Variants in COL24A1 observed in about 807,000 individuals in gnomAD.
COL24A1 encodes the protein collagen type XXIV alpha 1 chain.
COL24A1 carries 224 observed loss-of-function variants against 253.9 expected under a neutral mutation model. The observed-to-expected ratio is 0.88, with a 90% CI of 0.79 to 0.99. The LOEUF is 0.99. COL24A1 is among the 50% of genes least tolerant of loss of function. The pLI is 0.00. For missense variants in COL24A1, 2,131 were observed against 2,068.5 expected (o/e 1.03, Z -0.59); for synonymous variants, 685 against 673.7 (o/e 1.02, Z -0.26).
chr1:85,834,480 A>C (rs539727338), intron 43 of COL24A1, among the ~76,000 whole-genome samples: 30 of 152,256 alleles, frequency 2.0e-4, no homozygotes, highest in Non-Finnish European at 4.1e-4. Flanking sequence ...GCACTTACTG[A>C]GTTTGAGGTG....
At chr1:85,800,367 C>T (rs1038943492) in intron 47 of COL24A1, among the ~76,000 whole-genome samples, 1 of 152,198 alleles carries the variant, frequency 6.6e-6, no homozygotes, top group African/African-American at 2.4e-5. Context: ...TTCCTGCCCC[C>T]AACCTGACAA....
chr1:86,012,240 T>C (rs910086582), intron 19 of COL24A1, among the ~76,000 whole-genome samples: 4 of 152,212 alleles, frequency 2.6e-5, no homozygotes, highest in African/African-American at 7.2e-5. Context: ...AAAACTAAAA[T>C]TACTATTCAT....
intron 32 of COL24A1, among the ~76,000 whole-genome samples, chr1:85,879,246 G>GGGGTGTGT (rs759641342): frequency 2.2e-4 from 33 of 147,116 alleles, no homozygotes; most frequent in Non-Finnish European, 4.4e-4. Flanking sequence ...TCATTTTGAG[G>GGGGTGTGT]GTGTGTGTGT....
chr1:85,900,023 A>C (rs571286860), intron 28 of COL24A1, among the ~76,000 whole-genome samples: 4 of 152,234 alleles, frequency 2.6e-5, no homozygotes, highest in Non-Finnish European at 5.9e-5. Context: ...AGGACCTGAA[A>C]TTTAGAAGTT....
chr1:85,920,049 T>G (rs1163611991), intron 24 of COL24A1, among the ~76,000 whole-genome samples: 1 of 152,222 alleles, frequency 6.6e-6, no homozygotes, highest in Non-Finnish European at 1.5e-5. Context: ...TAAGCATATT[T>G]ATTTGTTCAT....
chr1:85,852,061 A>G (rs1219893014), intron 37 of COL24A1, among the ~76,000 whole-genome samples: 2 of 152,158 alleles, frequency 1.3e-5, no homozygotes, highest in African/African-American at 4.8e-5. Flanking sequence ...TTAACAGTTA[A>G]GCCTTTAATC....
At chr1:85,785,085 G>A (rs1669543267) in intron 48 of COL24A1, among the ~76,000 whole-genome samples, 1 of 152,090 alleles carries the variant, frequency 6.6e-6, no homozygotes, top group Non-Finnish European at 1.5e-5. Flanking sequence ...ACCATCCAGA[G>A]ATGATTCAGC....
intron 3 of COL24A1, among the ~76,000 whole-genome samples, chr1:86,119,550 C>G (rs1995687): frequency 0.97 from 148,161 of 152,232 alleles, 72,209 homozygotes; most frequent in Non-Finnish European, 1. Context: ...ACTTCTGAGA[C>G]AGCCTGTGAT....
chr1:85,872,729 A>G (rs1680672268), intron 35 of COL24A1, among the ~76,000 whole-genome samples: 1 of 152,256 alleles, frequency 6.6e-6, no homozygotes, highest in East Asian at 1.9e-4. Flanking sequence ...TAAAACCATA[A>G]AAACCCTAGA....
intron 10 of COL24A1, among the ~76,000 whole-genome samples, 184 bp downstream of exon 10, chr1:86,057,747 A>T (rs1175265859): frequency 6.6e-6 from 1 of 152,230 alleles, no homozygotes; most frequent in Non-Finnish European, 1.5e-5. Flanking sequence ...TGCAAAACCT[A>T]CCACAATGAG....
At chr1:85,984,601 T>A (rs951521812) in intron 20 of COL24A1, among the ~76,000 whole-genome samples, 3 of 151,848 alleles carry the variant, frequency 2.0e-5, no homozygotes, top group Non-Finnish European at 4.4e-5. Context: ...TTCCTATGTA[T>A]GCACCAGGTG....
intron 57 of COL24A1, 143 bp from the exon 58 acceptor site, chr1:85,737,648 C>T (rs1476419261): frequency 1.9e-6 from 1 of 529,414 alleles, no homozygotes; most frequent in Non-Finnish European, 3.3e-6. Context: ...ACTGTAACCT[C>T]CGCTTCCTGG....
intron 37 of COL24A1, 90 bp downstream of exon 37, chr1:85,868,429 G>A (rs1680027568): frequency 2.5e-6 from 2 of 808,350 alleles, no homozygotes; most frequent in East Asian, 2.5e-5. Flanking sequence ...GGATATATAA[G>A]GAGGTCAGAG....
chr1:86,106,946 C>T (rs1469699182), intron 5 of COL24A1, among the ~76,000 whole-genome samples: 3 of 152,138 alleles, frequency 2.0e-5, no homozygotes, highest in Non-Finnish European at 2.9e-5. Context: ...AATTTAACAA[C>T]ACAGTCCTCA....
At chr1:85,756,367 T>C (rs1256122631) in intron 55 of COL24A1, among the ~76,000 whole-genome samples, 1 of 151,718 alleles carries the variant, frequency 6.6e-6, no homozygotes, top group African/African-American at 2.4e-5. Context: ...TGCCGTGAGC[T>C]GAGATCGCAC....
intron 12 of COL24A1, among the ~76,000 whole-genome samples, chr1:86,044,590 TAAG>T (rs768313941): frequency 3.2e-4 from 48 of 152,330 alleles, no homozygotes; most frequent in Middle Eastern, 6.8e-3. Context: ...AATTTTGTAA[TAAG>T]AAGAACAGTG....
At chr1:85,969,604 C>CAAAAAAAAAAAAAAAAAAA (rs61128567) in intron 22 of COL24A1, among the ~76,000 whole-genome samples, 1 of 27,476 alleles carries the variant, frequency 3.6e-5, no homozygotes, top group Admixed American at 8.8e-4. Context: ...GACTCTGTCT[C>CAAAAAAAAAAAAAAAAAAA]AAAAAAAAAA....
chr1:85,798,053 G>A (rs61783136), intron 47 of COL24A1, among the ~76,000 whole-genome samples: 8,564 of 151,818 alleles, frequency 0.056, 330 homozygotes, highest in South Asian at 0.11. Context: ...AATAAATTAC[G>A]GAATGTGGTG....
Position 85,784,376 on chromosome 1 carries a change from G to A in COL24A1, c.4060-10C>T. ...GTAGCCCTTGTTCACCCTATGGGTA[G>A]AACAAAGAAAAGCGATCTTTACATC... On this transcript the variant is annotated splice_polypyrimidine_tract_variant and intron_variant, in intron 48 of 59. Transcript: ENST00000370571. 5 of 1,599,240 alleles carry A rather than the reference G, an allele frequency of 3.1e-6. No homozygotes were observed. Among genetic ancestry groups the A allele is most frequent in the Non-Finnish European group, 4.3e-6 (5 of 1,166,986 alleles).
Sources: gnomAD v4.1 joint callset for allele counts (sites outside exome capture counted in the v4.1 genomes callset) on GRCh38, gnomAD v4.1.1 for gene constraint, MANE v1.5 for transcripts, NCBI Gene and HGNC (gene_info 2026-07-23, HGNC 2026-07-21) for gene names.